The following UQCRC1 variants were observed in gnomAD, a reference collection of about 807,000 sequenced individuals.
UQCRC1 encodes the protein ubiquinol-cytochrome c reductase core protein 1.
UQCRC1 carries 34 observed loss-of-function variants against 58.0 expected under a neutral mutation model. The observed-to-expected ratio is 0.59, with a 90% CI of 0.45 to 0.78. The LOEUF (loss-of-function observed/expected upper bound fraction) is 0.78. Ranked by LOEUF, UQCRC1 falls within the 30% of genes least tolerant of loss-of-function variation. The probability of loss-of-function intolerance (pLI) is 0.00; values close to 1 mark genes in which losing one functional copy is unlikely to be tolerated. For synonymous variants in UQCRC1, 276 were observed against 248.8 expected (o/e 1.11, Z -1.03); for missense variants, 610 against 646.0 (o/e 0.94, Z 0.60).
At chr3:48,600,352 G>T in intron 10 of UQCRC1, 130 bp downstream of exon 10, 1 of 1,191,966 alleles carries the variant, frequency 8.4e-7, no homozygotes, top group Non-Finnish European at 1.2e-6. Flanking sequence ...CTCCAAGGGT[G>T]GGGTGATGGG....
rs144419952 is a variant in UQCRC1, at chr3:48,601,647, G to A, written c.707-180C>T. 5.0e-4 allele frequency among the ~76,000 whole-genome samples: 76 copies of A among 152,330 alleles called. 2 individuals are homozygous for A. The East Asian group carries it at 0.014, about 28-fold the overall frequency. On this transcript the variant is annotated intron_variant, in intron 6 of 12. Transcript: ENST00000203407. ...CAGACAGACCCTGCCTTGTGGACAG[G>A]ACAGGCACCTCAGGGCCAAATAGCT...
Position 48,599,180 on chromosome 3 carries a change from T to A in UQCRC1, c.1391A>T (p.Gln464Leu). 1 of 1,608,224 alleles carries A rather than the reference T, an allele frequency of 6.2e-7. No individual in the cohort carries two copies. Among genetic ancestry groups the A allele is most frequent in the Non-Finnish European group, 8.5e-7 (1 of 1,176,410 alleles). Residue 464 changes from glutamine to leucine, a missense_variant, in exon 13 of 13, where the codon CAG (glutamine) becomes CTG (leucine). Physicochemically the swap from Gln to Leu is moderately radical, Grantham distance 113. Transcript: ENST00000203407. ...PAVAGYGPIE[Q>L]LPDYNRIRSG... ...ACGGATCCGGTTGTAGTCTGGGAGC[T>A]GCTCAATGGGGCCTGTGGGGATAGG...
rs11539918 is a variant in UQCRC1 at position 48,609,275 on chromosome 3, G to A, written c.97C>T (p.Arg33Trp). The change falls in exon 2 of 13, where the codon CGG (arginine) becomes TGG (tryptophan). Residue 33 changes from arginine to tryptophan, a missense_variant. Transcript: ENST00000203407. ...GCCTGAGCGAAGGTTGCCGTACTCCGCAAGGCTGGCGTCCGCAGCAGGGCC... is the reference window on the plus strand; with the variant it reads ...GCCTGAGCGAAGGTTGCCGTACTCCACAAGGCTGGCGTCCGCAGCAGGGCC... ...SPALLRTPAL[R>W]STATFAQALQ... is the part of the protein sequence containing the mutation. 14 of 1,610,608 alleles carry A rather than the reference G, an allele frequency of 8.7e-6. No homozygotes were observed. The highest frequency in any genetic ancestry group is 5.5e-5 in the South Asian group (5 of 90,960).
intron 2 of UQCRC1, among the ~76,000 whole-genome samples, chr3:48,607,059 TGAGACG>T (rs1044083570): frequency 2.6e-5 from 4 of 151,372 alleles, no homozygotes; most frequent in African/African-American, 9.7e-5. Flanking sequence ...GTTTTTTTTT[TGAGACG>T]GAGTCTCGCT....
In UQCRC1 at chr3:48,608,744, T is replaced by G. The variant is rs183911573; in HGVS notation, c.210+418A>C. 9.8e-5 allele frequency among the ~76,000 whole-genome samples: 15 copies of G among 152,354 alleles called. No homozygotes were observed. The East Asian group carries it at 2.7e-3, about 27-fold the overall frequency. On this transcript the variant is annotated intron_variant, in intron 2 of 12. Transcript: ENST00000203407. Reference sequence around the variant, plus strand: ...CACACATTTCATTGTACTGTTAAAATGCATTTGCTTCCTAAAATGTATTTC... The same window carrying G: ...CACACATTTCATTGTACTGTTAAAAGGCATTTGCTTCCTAAAATGTATTTC...
intron 3 of UQCRC1, among the ~76,000 whole-genome samples, 168 bp downstream of exon 3, chr3:48,605,602 C>T (rs565823745): frequency 4.6e-5 from 7 of 152,162 alleles, no homozygotes; most frequent in East Asian, 1.9e-4. Flanking sequence ...TCATCAGATA[C>T]GTGCCCACTC....
intron 12 of UQCRC1, 21 bp downstream of exon 12, chr3:48,599,614 C>G (rs1196791231): frequency 1.9e-6 from 3 of 1,613,020 alleles, no homozygotes; most frequent in Non-Finnish European, 2.5e-6. Context: ...AAACAAAGAG[C>G]AGACCCCCTA....
In UQCRC1 at chr3:48,604,388, T is replaced by G. The variant is rs1029209205; in HGVS notation, c.471A>C (p.Glu157Asp). The change falls in exon 5 of 13, where the codon GAA (glutamate) becomes GAC (aspartate). Residue 157 changes from glutamate (E) to aspartate (D), a missense_variant. Glu to Asp is a conservative substitution (Grantham distance 45). Coordinates refer to ENST00000203407, the MANE Select transcript of UQCRC1 (RefSeq NM_003365.3). Reference sequence around the variant, plus strand: ...CACGTTCCTTCTCAATCTGTGAGTCTTCCAGACTACAGTTCTGCACAATGT... The same window carrying G: ...CACGTTCCTTCTCAATCTGTGAGTCGTCCAGACTACAGTTCTGCACAATGT... ...LGDIVQNCSL[E>D]DSQIEKERDV... is the part of the protein sequence containing the mutation. 4 of 1,614,228 alleles carry G rather than the reference T, an allele frequency of 2.5e-6. No homozygotes were observed. The highest frequency in any genetic ancestry group is 3.4e-6 in the Non-Finnish European group (4 of 1,180,048).
At position 48,604,321 on chromosome 3, in the gene UQCRC1, G is replaced by A. The variant is rs369886828; in HGVS notation, c.538C>T (p.Arg180Ter). 1.4e-5 allele frequency: 23 copies of A among 1,613,926 alleles called. No homozygotes were observed. Among genetic ancestry groups the A allele is most frequent in the Non-Finnish European group, 1.9e-5 (23 of 1,180,046 alleles). Reference protein sequence around the residue: ...REMQENDASMRDVVFNYLHAT... With the variant: ...REMQENDASM ...TGCAGGTAGTTAAAGACCACATCTCGCATAGATGCATCATTCTCCTGCATC... is the reference window on the plus strand; with the variant it reads ...TGCAGGTAGTTAAAGACCACATCTCACATAGATGCATCATTCTCCTGCATC... The change falls in exon 5 of 13, where the codon CGA becomes TGA. Residue 180 changes from arginine to a stop codon, truncating the protein, a stop_gained. Coordinates refer to ENST00000203407, the MANE Select transcript of UQCRC1 (RefSeq NM_003365.3). LOFTEE classifies it high-confidence loss of function.
chr3:48,609,442 C>T, intron 1 of UQCRC1, 110 bp downstream of exon 1: 1 of 1,514,554 alleles, frequency 6.6e-7, no homozygotes, highest in Non-Finnish European at 8.9e-7. Flanking sequence ...GACCTTCCCA[C>T]GGCCCTGACC....
At chr3:48,600,212 C>G in intron 10 of UQCRC1, 61 bp from the exon 11 acceptor site, 1 of 1,569,008 alleles carries the variant, frequency 6.4e-7, no homozygotes, top group Non-Finnish European at 8.8e-7. Flanking sequence ...CACAGGTACA[C>G]AAACAATCTC....
intron 11 of UQCRC1, 134 bp from the exon 12 acceptor site, chr3:48,599,844 A>G: frequency 9.2e-7 from 1 of 1,090,182 alleles, no homozygotes; most frequent in Non-Finnish European, 1.4e-6. Context: ...GGAAAGGCAG[A>G]AGGGATCCCT....
intron 5 of UQCRC1, 92 bp downstream of exon 5, chr3:48,604,141 C>T (rs953097864): frequency 2.1e-6 from 3 of 1,419,294 alleles, no homozygotes; most frequent in African/African-American, 2.8e-5. Context: ...AAAATAACCC[C>T]GACAGCTAGC....
rs987029665 is a variant in UQCRC1, at chr3:48,609,612, C to G, written c.9G>C (p.Ala3=). 2 of 1,568,364 alleles carry G rather than the reference C, an allele frequency of 1.3e-6. No homozygotes were observed. Among genetic ancestry groups the G allele is most frequent in the African/African-American group, 1.4e-5 (1 of 74,068 alleles). MA[A]SVVCRAATAG... is the part of the protein sequence containing the mutation. ...CGGTAGCGGCCCGACAGACCACGGA[C>G]GCCGCCATCTTCCAGCTGCAGTCGG... The change falls in exon 1 of 13, where the codon GCG becomes GCC. Residue 3 remains alanine (A), a synonymous_variant. Transcript: ENST00000203407.
intron 5 of UQCRC1, 95 bp from the exon 6 acceptor site, chr3:48,603,738 G>T: frequency 1.7e-6 from 2 of 1,166,852 alleles, no homozygotes; most frequent in East Asian, 2.5e-5. Flanking sequence ...GACTAGGAGA[G>T]GCATGGTTTC....
At chr3:48,599,862 A>T in intron 11 of UQCRC1, 152 bp from the exon 12 acceptor site, 2 of 1,021,744 alleles carry the variant, frequency 2.0e-6, no homozygotes, top group Non-Finnish European at 2.9e-6. Context: ...CCTGCTATAG[A>T]CCTCCATGGG....
chr3:48,609,213 C>G lies in UQCRC1; in HGVS notation c.159G>C (p.Leu53=). The G allele has an allele frequency of 6.2e-7, 1 of 1,613,080 alleles. No individual in the cohort carries two copies. The highest frequency in any genetic ancestry group is 8.5e-7 in the Non-Finnish European group (1 of 1,179,778). ...CGGAGGCCACACGCAGGCCGTTGTC[C>G]AGCAGGCTAACCTGCGTCTCCGGCA... ...QFVPETQVSL[L]DNGLRVASEQ... is the part of the protein sequence containing the mutation. The change falls in exon 2 of 13, where the codon CTG becomes CTC. Residue 53 remains leucine (L), a synonymous_variant. Coordinates refer to ENST00000203407, the MANE Select transcript of UQCRC1 (RefSeq NM_003365.3).
rs571385982 is a variant in UQCRC1, at chr3:48,609,120, C to G, written c.210+42G>C. On this transcript the variant is annotated intron_variant, in intron 2 of 12. Coordinates refer to ENST00000203407, the MANE Select transcript of UQCRC1 (RefSeq NM_003365.3). ...CCCCAACCAGGGAAAAGACGGCAGG[C>G]CCAACCTGGAGGCCCTCTCCCCAAA... 3 of 1,573,294 alleles carry G rather than the reference C, an allele frequency of 1.9e-6. No homozygotes were observed. The African/African-American group carries it at 4.1e-5, about 21-fold the overall frequency.
chr3:48,599,506 G>T, intron 12 of UQCRC1, 129 bp downstream of exon 12: 2 of 1,015,670 alleles, frequency 2.0e-6, no homozygotes, highest in Non-Finnish European at 1.5e-6. Flanking sequence ...AGGGGACTGG[G>T]GAGAGCTGCT....
Sources: gnomAD v4.1 joint callset for allele counts (sites outside exome capture counted in the v4.1 genomes callset) on GRCh38, gnomAD v4.1.1 for gene constraint, MANE v1.5 for transcripts, NCBI Gene and HGNC (gene_info 2026-07-23, HGNC 2026-07-21) for gene names.